The following PHACTR3 variants were observed in gnomAD, a reference collection of about 807,000 sequenced individuals.
PHACTR3 encodes phosphatase and actin regulator 3.
A neutral mutation model predicts 66.8 loss-of-function variants in PHACTR3; 16 were observed. That is an observed-to-expected ratio of 0.24 (90% CI 0.16 to 0.36). PHACTR3 has a LOEUF of 0.36. PHACTR3 is among the 10% of genes least tolerant of loss of function. PHACTR3 has a pLI of 1.00. For synonymous variants in PHACTR3, 323 were observed against 292.1 expected (o/e 1.11, Z -1.08); for missense variants, 647 against 719.9 (o/e 0.90, Z 1.16).
chr20:59,635,135 C>CTT (rs758205644), intron 1 of PHACTR3, among the ~76,000 whole-genome samples: 1,633 of 68,186 alleles, frequency 0.024, 22 homozygotes, highest in Middle Eastern at 0.04. Flanking sequence ...TTCTTTCTTT[C>CTT]TTTCTTTCTT....
chr20:59,629,624 G>C (rs1014075851), intron 1 of PHACTR3, among the ~76,000 whole-genome samples: 1 of 152,222 alleles, frequency 6.6e-6, no homozygotes. Context: ...CAGGGTATGA[G>C]CTCCATGCCT....
At chr20:59,678,486 T>A (rs1418650343) in intron 1 of PHACTR3, among the ~76,000 whole-genome samples, 1 of 152,172 alleles carries the variant, frequency 6.6e-6, no homozygotes, top group African/African-American at 2.4e-5. Context: ...ACCCGAGGAA[T>A]GGCTGGAGGC....
intron 1 of PHACTR3, among the ~76,000 whole-genome samples, chr20:59,670,613 G>GGGC (rs1555810029): frequency 7.5e-6 from 1 of 132,616 alleles, no homozygotes; most frequent in African/African-American, 2.7e-5. Flanking sequence ...GGTGGGGGGG[G>GGGC]GGGGCAGGCA....
chr20:59,699,327 C>T (rs1273834244), intron 1 of PHACTR3, among the ~76,000 whole-genome samples: 1 of 152,158 alleles, frequency 6.6e-6, no homozygotes, highest in African/African-American at 2.4e-5. Flanking sequence ...AAACCAAAAA[C>T]TTCAAATTTT....
rs1488093978 is a variant in PHACTR3, at chr20:59,605,145, GCGGGGGCGGCGGGCGGGT to G, written c.118+19_118+36del. ...GGGGAGAACCCAGGTAACGGGCTGG[GCGGGGGCGGCGGGCGGGT>G]CGGGGAGGCCCGAGGCAGGTGGCGC... On this transcript the variant is annotated intron_variant, in intron 1 of 12. Transcript: ENST00000371015. 5.3e-6 allele frequency: 7 copies of G among 1,310,710 alleles called. No individual in the cohort carries two copies. Among genetic ancestry groups the G allele is most frequent in the Non-Finnish European group, 5.9e-6 (6 of 1,023,568 alleles). 81.2% of individuals were successfully genotyped at this position (1,310,710 alleles called of 1,614,324 possible).
chr20:59,679,199 G>T (rs969174725), intron 1 of PHACTR3, among the ~76,000 whole-genome samples: 1 of 152,168 alleles, frequency 6.6e-6, no homozygotes, highest in African/African-American at 2.4e-5. Context: ...GATTGAAAAA[G>T]AAATTAAAGT....
chr20:59,610,518 G>C (rs1434435393), intron 1 of PHACTR3, among the ~76,000 whole-genome samples: 3 of 152,168 alleles, frequency 2.0e-5, no homozygotes, highest in African/African-American at 7.2e-5. Flanking sequence ...CTTGTTTATG[G>C]TCTGTCCAAT....
At chr20:59,631,679 G>A (rs1271110208) in intron 1 of PHACTR3, among the ~76,000 whole-genome samples, 2 of 152,140 alleles carry the variant, frequency 1.3e-5, no homozygotes, top group Admixed American at 6.5e-5. Context: ...AAAAGAAATG[G>A]AATTTCAAAT....
chr20:59,776,260 G>A (rs1220968065), intron 7 of PHACTR3, among the ~76,000 whole-genome samples: 2 of 90,576 alleles, frequency 2.2e-5, no homozygotes, highest in Non-Finnish European at 6.0e-5. Flanking sequence ...GCCCCATGAG[G>A]CTATGACATC....
Position 59,755,245 on chromosome 20 carries a change from C to T in PHACTR3, c.422C>T (p.Thr141Ile), listed in dbSNP as rs1328903287. 1 of 1,613,984 alleles carries T rather than the reference C, an allele frequency of 6.2e-7. No individual in the cohort carries two copies. The highest frequency in any genetic ancestry group is 2.2e-5 in the East Asian group (1 of 44,872). Residue 141 changes from threonine (T) to isoleucine (I), a missense_variant, in exon 4 of 13, where the codon ACT becomes ATT. Thr to Ile is a moderately conservative substitution (Grantham distance 89, BLOSUM62 -1). Transcript: ENST00000371015. ...CGATCTGTACAGAGTGAACCACCCA[C>T]TCCCAAGTCGGAGACGCTGACTTCA... ...GPRSVQSEPP[T>I]PKSETLTSED...
chr20:59,764,890 G>A (rs539326846), intron 4 of PHACTR3, among the ~76,000 whole-genome samples: 1 of 152,344 alleles, frequency 6.6e-6, no homozygotes, highest in Admixed American at 6.5e-5. Context: ...AACTAGGCCT[G>A]GGCTGGCTAC....
At chr20:59,834,711 GCC>G (rs2042476725) in intron 8 of PHACTR3, among the ~76,000 whole-genome samples, 2 of 152,120 alleles carry the variant, frequency 1.3e-5, no homozygotes, top group Admixed American at 6.5e-5. Context: ...ATGTATCTCT[GCC>G]AGATTCTGAA....
Position 59,687,117 on chromosome 20 carries a change from G to A in PHACTR3, c.119-55990G>A, listed in dbSNP as rs560193962. ...TGATGGTGGTGATAGTGGTGGTGAC[G>A]GTGATAATGATCATGGTGGTGACAG... On this transcript the variant is annotated intron_variant, in intron 1 of 12. Coordinates refer to ENST00000371015, the MANE Select transcript of PHACTR3 (RefSeq NM_080672.5). 1.0e-4 allele frequency among the ~76,000 whole-genome samples: 15 copies of A among 149,198 alleles called. No homozygotes were observed. In the East Asian group the frequency reaches 2.7e-3, roughly 27 times the overall value.
intron 4 of PHACTR3, among the ~76,000 whole-genome samples, chr20:59,756,943 C>G (rs546890455): frequency 1.9e-4 from 29 of 152,208 alleles, no homozygotes; most frequent in African/African-American, 7.0e-4. Flanking sequence ...AATGGGGGAA[C>G]ATTTTTGCAA....
chr20:59,748,944 G>A (rs2148806), intron 3 of PHACTR3, among the ~76,000 whole-genome samples: 13,999 of 152,090 alleles, frequency 0.092, 1,209 homozygotes, highest in East Asian at 0.35. Flanking sequence ...CCGATTGTGG[G>A]CCCAGGCTTT....
chr20:59,786,595 A>G (rs914614904), intron 7 of PHACTR3, among the ~76,000 whole-genome samples: 2 of 152,168 alleles, frequency 1.3e-5, no homozygotes, highest in African/African-American at 4.8e-5. Context: ...GAGCAGTTAA[A>G]GGGGTATATG....
intron 1 of PHACTR3, among the ~76,000 whole-genome samples, chr20:59,619,575 C>T (rs1196351191): frequency 6.6e-6 from 1 of 152,010 alleles, no homozygotes; most frequent in Non-Finnish European, 1.5e-5. Flanking sequence ...TGAGAAGGCA[C>T]CTGGGCTGAC....
At chr20:59,835,565 G>A (rs1273911329) in intron 8 of PHACTR3, among the ~76,000 whole-genome samples, 1 of 152,192 alleles carries the variant, frequency 6.6e-6, no homozygotes. Flanking sequence ...CCCTGCTGTG[G>A]TTAGAGGATC....
chr20:59,725,247 G>T (rs1357898145), intron 1 of PHACTR3, among the ~76,000 whole-genome samples: 1 of 144,728 alleles, frequency 6.9e-6, no homozygotes, highest in Non-Finnish European at 1.5e-5. Context: ...CAGTGAGGTT[G>T]TGAGCCCAGG....
Sources: gnomAD v4.1 joint callset for allele counts (sites outside exome capture counted in the v4.1 genomes callset) on GRCh38, gnomAD v4.1.1 for gene constraint, MANE v1.5 for transcripts, NCBI Gene and HGNC (gene_info 2026-07-23, HGNC 2026-07-21) for gene names.